The following PGCKA1 variants were observed in gnomAD, a reference collection of about 807,000 sequenced individuals.
PGCKA1 encodes the protein PDCD10 and GCKIII kinases-associated protein 1.
the PGCKA1 span, among the ~76,000 whole-genome samples, chr4:37,474,964 C>T: frequency 6.6e-6 from 1 of 152,144 alleles, no homozygotes; most frequent in Admixed American, 6.5e-5. Context: ...TTTTCATTTC[C>T]TTATAAAAGA....
At chr4:37,500,114 C>T in the PGCKA1 span, among the ~76,000 whole-genome samples, 246 of 151,996 alleles carry the variant, frequency 1.6e-3, 8 homozygotes, top group East Asian at 0.045. Context: ...TTAGTAGAGA[C>T]AGGGTTTCAC....
At chr4:37,523,673 C>T in the PGCKA1 span, among the ~76,000 whole-genome samples, 1 of 152,120 alleles carries the variant, frequency 6.6e-6, no homozygotes, top group African/African-American at 2.4e-5. Context: ...ATGTTATATA[C>T]ACATGTACAT....
chr4:37,501,487 G>C, the PGCKA1 span, among the ~76,000 whole-genome samples: 1 of 152,164 alleles, frequency 6.6e-6, no homozygotes, highest in African/African-American at 2.4e-5. Context: ...CTCACCCCTG[G>C]TTGTGGAAAA....
the PGCKA1 span, among the ~76,000 whole-genome samples, chr4:37,495,747 T>G: frequency 6.6e-6 from 1 of 151,952 alleles, no homozygotes; most frequent in Non-Finnish European, 1.5e-5. Context: ...AGGAGAAATA[T>G]CTAAAGTAGA....
chr4:37,579,219 G>C, the PGCKA1 span, among the ~76,000 whole-genome samples: 1 of 151,584 alleles, frequency 6.6e-6, no homozygotes, highest in Non-Finnish European at 1.5e-5. Context: ...ACATATTATC[G>C]TACAGTCTAT....
At chr4:37,543,141 G>T in the PGCKA1 span, among the ~76,000 whole-genome samples, 75 of 152,136 alleles carry the variant, frequency 4.9e-4, no homozygotes, top group African/African-American at 1.7e-3. Flanking sequence ...TCTTTTAAGT[G>T]ATTGTTTTGG....
the PGCKA1 span, chr4:37,590,506 G>A: frequency 0.22 from 351,089 of 1,613,678 alleles, 40,184 homozygotes; most frequent in Non-Finnish European, 0.24. Context: ...TGTGCTGCTG[G>A]CCTCAGAAGG....
chr4:37,515,936 A>G, the PGCKA1 span, among the ~76,000 whole-genome samples: 1 of 152,226 alleles, frequency 6.6e-6, no homozygotes, highest in Non-Finnish European at 1.5e-5. Flanking sequence ...TGCTTAGGCC[A>G]AAATAAAACC....
the PGCKA1 span, among the ~76,000 whole-genome samples, chr4:37,503,187 C>T: frequency 6.6e-6 from 1 of 152,156 alleles, no homozygotes; most frequent in East Asian, 1.9e-4. Flanking sequence ...TCCAGAGGCC[C>T]ATTGTGAGAG....
chr4:37,469,449 G>A, the PGCKA1 span, among the ~76,000 whole-genome samples: 17 of 152,234 alleles, frequency 1.1e-4, no homozygotes, highest in African/African-American at 2.9e-4. Context: ...GAGAGAAAGC[G>A]TGGAAGAGCA....
At chr4:37,506,403 C>A in the PGCKA1 span, among the ~76,000 whole-genome samples, 1 of 151,928 alleles carries the variant, frequency 6.6e-6, no homozygotes, top group African/African-American at 2.4e-5. Context: ...GATGTAGGTA[C>A]TCATAGCTAT....
At chr4:37,589,096 C>G in the PGCKA1 span, among the ~76,000 whole-genome samples, 3 of 152,124 alleles carry the variant, frequency 2.0e-5, no homozygotes, top group Non-Finnish European at 4.4e-5. Context: ...TTTTTTTGCT[C>G]ACTTCTCAAA....
chr4:37,517,723 A>C, the PGCKA1 span, among the ~76,000 whole-genome samples: 1 of 152,238 alleles, frequency 6.6e-6, no homozygotes. Flanking sequence ...TGGGATATCC[A>C]TCCCCTCGAG....
At chr4:37,590,707 G>T in the PGCKA1 span, 10 of 1,614,138 alleles carry the variant, frequency 6.2e-6, no homozygotes, top group Non-Finnish European at 8.5e-6. Flanking sequence ...TGAATCCCTA[G>T]AGGGAATTCA....
chr4:37,492,560 A>G, the PGCKA1 span, among the ~76,000 whole-genome samples: 1 of 152,186 alleles, frequency 6.6e-6, no homozygotes, highest in African/African-American at 2.4e-5. The surrounding 1 kb of genome is among the most constrained non-coding windows in gnomAD (Gnocchi z 4.7). Flanking sequence ...GAGGTGAAGG[A>G]TGAAGGTGAA....
At chr4:37,554,421 C>T in the PGCKA1 span, among the ~76,000 whole-genome samples, 1 of 152,126 alleles carries the variant, frequency 6.6e-6, no homozygotes, top group Non-Finnish European at 1.5e-5. Flanking sequence ...GTGCAATGAG[C>T]TCGCTGCACC....
the PGCKA1 span, among the ~76,000 whole-genome samples, chr4:37,570,706 T>G: frequency 1.3e-5 from 2 of 152,232 alleles, no homozygotes; most frequent in East Asian, 3.8e-4. Context: ...TGTTGGAAAT[T>G]TACATGTTCC....
the PGCKA1 span, among the ~76,000 whole-genome samples, chr4:37,509,976 TGGGAGA>T: frequency 2.4e-4 from 19 of 80,716 alleles, no homozygotes; most frequent in East Asian, 2.1e-3. Context: ...CGGGAGACCG[TGGGAGA>T]GGGAGAGGGA....
chr4:37,496,484 C>T, the PGCKA1 span, among the ~76,000 whole-genome samples: 1 of 152,152 alleles, frequency 6.6e-6, no homozygotes, highest in Non-Finnish European at 1.5e-5. Context: ...GTACCAGTAC[C>T]ATGCTGTTTT....
Sources: gnomAD v4.1 joint callset for allele counts (sites outside exome capture counted in the v4.1 genomes callset) on GRCh38, gnomAD v4.1.1 for gene constraint, Gnocchi (gnomAD v3.1) non-coding constraint, MANE v1.5 for transcripts, NCBI Gene and HGNC (gene_info 2026-07-23, HGNC 2026-07-21) for gene names.